Variants in KCNJ6 observed in about 807,000 individuals in gnomAD.
The protein encoded by KCNJ6 is potassium inwardly rectifying channel subfamily J member 6, also known as G protein-activated inward rectifier potassium channel 2.
In KCNJ6, 9 loss-of-function variants were observed where a neutral mutation model predicts 34.2. The ratio of observed to expected loss-of-function variants is 0.26; its 90% CI spans 0.16 to 0.46. The LOEUF is 0.46. KCNJ6 is among the 20% of genes least tolerant of loss of function. The pLI, the probability that KCNJ6 is intolerant of heterozygous loss-of-function variation, is 1.00. For synonymous variants in KCNJ6, 196 were observed against 207.1 expected, an observed-to-expected ratio of 0.95 and a Z score of 0.46; for missense variants, 236 against 531.3, an observed-to-expected ratio of 0.44 and a Z score of 5.46.
rs181173491 is a variant in KCNJ6, at chr21:37,611,763, A to G, written c.*13396T>C. 6.6e-6 allele frequency: 1 copy of G among 152,322 alleles called. No homozygotes were observed. Among genetic ancestry groups the G allele is most frequent in the Non-Finnish European group, 1.5e-5 (1 of 68,018 alleles). The allele number at this position is 152,322 out of a possible 1,614,324, so 9.4% of individuals were successfully genotyped here. A position where few individuals can be genotyped will look rare whatever the true frequency, so the allele number is the denominator to read the frequency against. ...CATGATCATATCAACAGATGCAGAA[A>G]AATCCAAACAGTCTTTCATGATAAA... On this transcript the variant is annotated 3_prime_UTR_variant, in exon 4 of 4. Transcript: ENST00000609713.
intron 2 of KCNJ6, among the ~76,000 whole-genome samples, chr21:37,755,384 C>A (rs114892495): frequency 6.6e-6 from 1 of 152,308 alleles, no homozygotes; most frequent in African/African-American, 2.4e-5. Flanking sequence ...ATAGAAGGCT[C>A]TTTCCTGAGA....
At chr21:37,880,445 C>T (rs1457510820) in intron 1 of KCNJ6, among the ~76,000 whole-genome samples, 2 of 152,252 alleles carry the variant, frequency 1.3e-5, no homozygotes, top group African/African-American at 4.8e-5. Flanking sequence ...GCCAAACTCA[C>T]TATCTTCTTC....
At chr21:37,701,168 C>T (rs568128003) in intron 3 of KCNJ6, among the ~76,000 whole-genome samples, 10 of 152,182 alleles carry the variant, frequency 6.6e-5, no homozygotes, top group East Asian at 3.9e-4. Context: ...TCTATACTGA[C>T]GGAGGTGGTG....
chr21:37,720,093 A>G (rs2054816822), intron 2 of KCNJ6, among the ~76,000 whole-genome samples: 1 of 126,082 alleles, frequency 7.9e-6, no homozygotes, highest in African/African-American at 2.6e-5. Flanking sequence ...TTAATAGGGC[A>G]ATTTTGGGTG....
At chr21:37,877,077 A>G (rs139643359) in intron 1 of KCNJ6, among the ~76,000 whole-genome samples, 64 of 152,334 alleles carry the variant, frequency 4.2e-4, no homozygotes, top group East Asian at 7.7e-4. Context: ...AGTTTTTTGT[A>G]CCTGGATGTC....
chr21:37,884,555 C>T (rs2055725780), intron 1 of KCNJ6, among the ~76,000 whole-genome samples: 1 of 152,204 alleles, frequency 6.6e-6, no homozygotes. Context: ...ACATTGCCTT[C>T]TGCTACCCCA....
chr21:37,625,824 A>G (rs857978), intron 3 of KCNJ6, among the ~76,000 whole-genome samples: 107,080 of 152,260 alleles, frequency 0.7, 37,894 homozygotes, highest in East Asian at 0.8. Context: ...CTCTGGGAGA[A>G]CCCTGAAGCC....
intron 2 of KCNJ6, chr21:37,719,387 G>A (rs1265547182): frequency 1.3e-5 from 2 of 152,222 alleles, no homozygotes; most frequent in African/African-American, 2.4e-5. Context: ...ATCTCCAGGA[G>A]CATTTTGAGC....
intron 2 of KCNJ6, among the ~76,000 whole-genome samples, chr21:37,722,628 A>G (rs769917792): frequency 1.2e-4 from 19 of 152,212 alleles, no homozygotes; most frequent in Non-Finnish European, 2.6e-4. Context: ...TCAGCAATAA[A>G]GCCACATACC....
chr21:37,873,393 A>G (rs2055662084), intron 1 of KCNJ6, among the ~76,000 whole-genome samples: 1 of 152,176 alleles, frequency 6.6e-6, no homozygotes, highest in Non-Finnish European at 1.5e-5. Context: ...AACCAGGTGA[A>G]TAACTTTTCC....
At chr21:37,681,877 C>A (rs1020463252) in intron 3 of KCNJ6, among the ~76,000 whole-genome samples, 3 of 152,158 alleles carry the variant, frequency 2.0e-5, no homozygotes, top group Non-Finnish European at 4.4e-5. Flanking sequence ...ACCCATGGAG[C>A]TCCTGTGTAA....
At chr21:37,730,140 T>C (rs2054876816) in intron 2 of KCNJ6, among the ~76,000 whole-genome samples, 1 of 152,246 alleles carries the variant, frequency 6.6e-6, no homozygotes, top group Admixed American at 6.5e-5. Context: ...TGCTCCTGAT[T>C]CTTCCAGTGT....
intron 2 of KCNJ6, among the ~76,000 whole-genome samples, chr21:37,727,989 G>A (rs945281406): frequency 1.3e-5 from 2 of 152,220 alleles, no homozygotes; most frequent in African/African-American, 4.8e-5. Context: ...ATATATAAAT[G>A]AGTATTTGTA....
At chr21:37,810,556 A>G (rs949727214) in intron 2 of KCNJ6, among the ~76,000 whole-genome samples, 2 of 152,244 alleles carry the variant, frequency 1.3e-5, no homozygotes, top group African/African-American at 4.8e-5. Flanking sequence ...GTCAAGGTAT[A>G]GAATCTTGGC....
At chr21:37,729,761 GGGT>G (rs2054874669) in intron 2 of KCNJ6, among the ~76,000 whole-genome samples, 1 of 152,244 alleles carries the variant, frequency 6.6e-6, no homozygotes, top group Non-Finnish European at 1.5e-5. Context: ...GGGAGAAAGA[GGGT>G]GGAAACCTAG....
chr21:37,637,144 A>G (rs562679403), intron 3 of KCNJ6, among the ~76,000 whole-genome samples: 1 of 152,316 alleles, frequency 6.6e-6, no homozygotes, highest in South Asian at 2.1e-4. Context: ...GTCGCTTTTC[A>G]TGTGGGAGAA....
At chr21:37,703,624 C>A (rs1332380312) in intron 3 of KCNJ6, among the ~76,000 whole-genome samples, 1 of 152,120 alleles carries the variant, frequency 6.6e-6, no homozygotes, top group African/African-American at 2.4e-5. Context: ...ATGACAGGTA[C>A]CCCCTGAAGG....
chr21:37,763,249 G>A (rs1016174163), intron 2 of KCNJ6, among the ~76,000 whole-genome samples: 9 of 152,246 alleles, frequency 5.9e-5, no homozygotes, highest in East Asian at 5.8e-4. Flanking sequence ...TTGTAGGGGG[G>A]GCCTGCAGAC....
In KCNJ6 at chr21:37,616,115, C is replaced by T. The variant is rs987811068; in HGVS notation, c.*9044G>A. On this transcript the variant is annotated 3_prime_UTR_variant, in exon 4 of 4. Transcript: ENST00000609713. ...AGCCTCCGCCCCATGGGGCCTCTGC[C>T]AGGTCTCCTCGAGCCTGCGGGAGAG... is the stretch of plus-strand genomic sequence containing the variant. The T allele has an allele frequency of 2.0e-5, 3 of 152,350 alleles. No individual in the cohort carries two copies. The East Asian group carries it at 5.8e-4, about 29-fold the overall frequency. 9.4% of individuals were successfully genotyped at this position (152,350 alleles called of 1,614,324 possible). A position where few individuals can be genotyped will look rare whatever the true frequency, so the allele number is the denominator to read the frequency against.
Sources: gnomAD v4.1 joint callset for allele counts (sites outside exome capture counted in the v4.1 genomes callset) on GRCh38, gnomAD v4.1.1 for gene constraint, MANE v1.5 for transcripts, NCBI Gene and HGNC (gene_info 2026-07-23, HGNC 2026-07-21) for gene names.